The following FREM3 variants were observed in gnomAD, a reference collection of about 807,000 sequenced individuals.
FREM3 encodes FRAS1-related extracellular matrix protein 3.
Under a neutral mutation model 129.1 loss-of-function variants are expected in FREM3, and 105 were observed. That is an observed-to-expected ratio of 0.81 (90% CI 0.69 to 0.96). The LOEUF is 0.96. FREM3 is among the 40% of genes least tolerant of loss of function. FREM3 has a pLI of 0.00. For synonymous variants in FREM3, 1,014 were observed against 1,044.9 expected (o/e 0.97, Z 0.57); for missense variants, 2,593 against 2,666.3 (o/e 0.97, Z 0.61).
chr4:143,696,072 T>C lies in FREM3; in HGVS notation c.4604A>G (p.Asn1535Ser), dbSNP rs1740561403. ...ATGGATGGTCAAGATAGGTTTCTTA[T>C]TATCCACATCAGTGATGAAGATCCT... ...TFRIFITDVD[N>S]KKPILTIHRL... Residue 1535 changes from asparagine to serine, a missense_variant, in exon 1 of 8, where the codon AAT becomes AGT. By Grantham distance (46) the Asn-to-Ser change is conservative. Coordinates refer to ENST00000329798, the MANE Select transcript of FREM3 (RefSeq NM_001168235.2). 2.6e-6 allele frequency: 4 copies of C among 1,537,574 alleles called. No homozygotes were observed. The highest frequency in any genetic ancestry group is 3.5e-6 in the Non-Finnish European group (4 of 1,146,966).
chr4:143,581,683 A>C (rs1738145630), intron 7 of FREM3, among the ~76,000 whole-genome samples: 1 of 152,156 alleles, frequency 6.6e-6, no homozygotes, highest in Non-Finnish European at 1.5e-5. Flanking sequence ...CCATATGGAC[A>C]GGAGCCAAGT....
At chr4:143,658,376 A>T (rs1233107507) in intron 2 of FREM3, among the ~76,000 whole-genome samples, 2 of 152,202 alleles carry the variant, frequency 1.3e-5, no homozygotes, top group East Asian at 1.9e-4. Flanking sequence ...CCCTCACCAG[A>T]TACCAAATCT....
intron 2 of FREM3, among the ~76,000 whole-genome samples, chr4:143,647,460 C>A (rs926445774): frequency 6.6e-6 from 1 of 152,110 alleles, no homozygotes; most frequent in African/African-American, 2.4e-5. Context: ...TTTGTGGCAG[C>A]CCCTCCCATC....
At chr4:143,626,819 C>G (rs763009825) in intron 3 of FREM3, among the ~76,000 whole-genome samples, 2 of 152,126 alleles carry the variant, frequency 1.3e-5, no homozygotes, top group Non-Finnish European at 2.9e-5. Flanking sequence ...TCTTCCCTGG[C>G]TTCTCTCCAA....
intron 2 of FREM3, among the ~76,000 whole-genome samples, chr4:143,634,648 T>C (rs1739203984): frequency 6.6e-6 from 1 of 152,128 alleles, no homozygotes; most frequent in African/African-American, 2.4e-5. Flanking sequence ...CCCTTCTGGC[T>C]GTGCATAATC....
At chr4:143,612,426 C>T (rs1285473564) in intron 5 of FREM3, among the ~76,000 whole-genome samples, 1 of 152,166 alleles carries the variant, frequency 6.6e-6, no homozygotes, top group Admixed American at 6.5e-5. Flanking sequence ...ACTATTGTTT[C>T]CCATTGTGTG....
intron 2 of FREM3, among the ~76,000 whole-genome samples, chr4:143,679,792 CA>C (rs1421723715): frequency 6.6e-6 from 1 of 152,074 alleles, no homozygotes. Flanking sequence ...CATTTTTGTT[CA>C]CCATGTATAC....
At chr4:143,630,851 C>T (rs1413887399) in intron 2 of FREM3, among the ~76,000 whole-genome samples, 2 of 152,074 alleles carry the variant, frequency 1.3e-5, no homozygotes, top group Non-Finnish European at 2.9e-5. Context: ...TGTTTTAAAG[C>T]CCTATTTATT....
At chr4:143,674,324 T>C (rs1452651198) in intron 2 of FREM3, among the ~76,000 whole-genome samples, 1 of 152,126 alleles carries the variant, frequency 6.6e-6, no homozygotes, top group African/African-American at 2.4e-5. Context: ...TAAAATACTT[T>C]ACAGACAAGC....
intron 2 of FREM3, among the ~76,000 whole-genome samples, chr4:143,666,700 G>C (rs1408915229): frequency 2.0e-5 from 3 of 152,076 alleles, no homozygotes; most frequent in Admixed American, 2.0e-4. Flanking sequence ...ACATAAAGTG[G>C]ATTAGAGGTT....
At chr4:143,600,670 A>G (rs1326579076) in intron 6 of FREM3, among the ~76,000 whole-genome samples, 1 of 152,222 alleles carries the variant, frequency 6.6e-6, no homozygotes, top group Non-Finnish European at 1.5e-5. Flanking sequence ...AAGTTGTGAA[A>G]CTTCATAAAA....
intron 2 of FREM3, among the ~76,000 whole-genome samples, chr4:143,674,801 C>T (rs143643337): frequency 0.073 from 11,054 of 152,128 alleles, 1,067 homozygotes; most frequent in African/African-American, 0.21. Flanking sequence ...AAGAAGGCCA[C>T]TACATAATGG....
intron 1 of FREM3, among the ~76,000 whole-genome samples, chr4:143,694,315 G>A (rs928116355): frequency 1.2e-4 from 18 of 152,110 alleles, no homozygotes; most frequent in African/African-American, 4.3e-4. Flanking sequence ...CAAGTATAGA[G>A]CTTGACATAA....
chr4:143,627,902 G>T (rs954732690), intron 2 of FREM3, 142 bp from the exon 3 acceptor site: 2 of 629,846 alleles, frequency 3.2e-6, no homozygotes, highest in Non-Finnish European at 5.4e-6. Flanking sequence ...GGTAGAGAGA[G>T]GAAATGTTGT....
chr4:143,656,725 A>G (rs538171205), intron 2 of FREM3, among the ~76,000 whole-genome samples: 14 of 152,342 alleles, frequency 9.2e-5, no homozygotes, highest in African/African-American at 3.4e-4. Flanking sequence ...CTGTTCTACA[A>G]TTAGATTGTG....
At chr4:143,624,087 A>T in intron 4 of FREM3, 21 bp downstream of exon 4, 1 of 1,373,592 alleles carries the variant, frequency 7.3e-7, no homozygotes, top group Non-Finnish European at 1.0e-6. Context: ...TTAATAAAGC[A>T]AATCAATCAG....
intron 7 of FREM3, among the ~76,000 whole-genome samples, chr4:143,584,415 C>CA (rs33979492): frequency 0.015 from 1,344 of 90,706 alleles, 27 homozygotes; most frequent in African/African-American, 0.049. Flanking sequence ...GACTCCGTCT[C>CA]AAAAAAAAAA....
intron 2 of FREM3, among the ~76,000 whole-genome samples, chr4:143,661,782 A>G (rs1739729322): frequency 1.3e-5 from 2 of 152,116 alleles, no homozygotes; most frequent in African/African-American, 2.4e-5. Context: ...TTATTGGTCT[A>G]TTTAGAGATT....
Position 143,698,512 on chromosome 4 carries a change from G to C in FREM3, c.2164C>G (p.His722Asp). Residue 722 changes from histidine (H) to aspartate (D), a missense_variant, in exon 1 of 8, where the codon CAC (histidine) becomes GAC (aspartate). Coordinates refer to ENST00000329798, the MANE Select transcript of FREM3 (RefSeq NM_001168235.2). Reference sequence around the variant, plus strand: ...TATCGGAGGAAATTCTTCTGGAAGTGAGTGAGTTGGTATTCTTGTACAGTC... The same window carrying C: ...TATCGGAGGAAATTCTTCTGGAAGTCAGTGAGTTGGTATTCTTGTACAGTC... ...EMTVQEYQLT[H>D]FQKNFLRYID... The C allele has an allele frequency of 1.3e-6, 2 of 1,537,698 alleles. No homozygotes were observed. The highest frequency in any genetic ancestry group is 1.7e-6 in the Non-Finnish European group (2 of 1,147,026).
Sources: gnomAD v4.1 joint callset for allele counts (sites outside exome capture counted in the v4.1 genomes callset) on GRCh38, gnomAD v4.1.1 for gene constraint, MANE v1.5 for transcripts, NCBI Gene and HGNC (gene_info 2026-07-23, HGNC 2026-07-21) for gene names.